Variants in CHRM3 observed in about 807,000 individuals in gnomAD.
The protein encoded by CHRM3 is muscarinic acetylcholine receptor M3.
A neutral mutation model predicts 41.8 loss-of-function variants in CHRM3; 11 were observed. The observed-to-expected ratio is 0.26, with a 90% CI of 0.17 to 0.44. CHRM3 has a LOEUF of 0.44. CHRM3 is among the 20% of genes least tolerant of loss of function. The probability of loss-of-function intolerance (pLI) is 1.00; values close to 1 mark genes in which losing one functional copy is unlikely to be tolerated. For missense variants in CHRM3, 571 were observed against 745.4 expected, an observed-to-expected ratio of 0.77 and a Z score of 2.72; for synonymous variants, 297 against 301.4, an observed-to-expected ratio of 0.99 and a Z score of 0.15.
rs78435687 is a variant in CHRM3, at chr1:239,701,316, A to G, written c.-147+23028A>G. On this transcript the variant is annotated intron_variant, in intron 5 of 6. Transcript: ENST00000676153. ...GGTCTTCAGACAGCCTTCTCTCTCT[A>G]GCATGTACTGATAAACTAATGAGCA... 7.7e-4 allele frequency among the ~76,000 whole-genome samples: 117 copies of G among 152,324 alleles called. No homozygotes were observed. In the East Asian group the frequency reaches 9.8e-3, roughly 13 times the overall value.
intron 3 of CHRM3, among the ~76,000 whole-genome samples, chr1:239,620,071 A>T (rs1202021480): frequency 6.6e-6 from 1 of 152,176 alleles, no homozygotes; most frequent in East Asian, 1.9e-4. Flanking sequence ...AATTACAGGA[A>T]ACCATTTGGT....
At chr1:239,649,335 C>T (rs1177542793) in intron 4 of CHRM3, among the ~76,000 whole-genome samples, 3 of 152,138 alleles carry the variant, frequency 2.0e-5, no homozygotes, top group East Asian at 1.9e-4. Context: ...GTGCCTTGAT[C>T]GTGGACTTCC....
At chr1:239,576,176 C>G (rs1183371562) in intron 3 of CHRM3, among the ~76,000 whole-genome samples, 1 of 152,090 alleles carries the variant, frequency 6.6e-6, no homozygotes, top group African/African-American at 2.4e-5. Flanking sequence ...GAATAACGTC[C>G]ATTGTATATG....
intron 1 of CHRM3, among the ~76,000 whole-genome samples, chr1:239,490,773 G>T (rs899834379): frequency 6.6e-6 from 1 of 151,956 alleles, no homozygotes; most frequent in South Asian, 2.1e-4. Context: ...TTGAGACAGG[G>T]TCTTACTCTG....
chr1:239,689,250 G>A (rs1659473862), intron 5 of CHRM3, among the ~76,000 whole-genome samples: 1 of 151,854 alleles, frequency 6.6e-6, no homozygotes, highest in African/African-American at 2.4e-5. Context: ...TATAGGATGA[G>A]ATTTTTCTCA....
chr1:239,483,889 CCTT>C (rs57125798), intron 1 of CHRM3, among the ~76,000 whole-genome samples: 3,044 of 152,202 alleles, frequency 0.02, 72 homozygotes, highest in African/African-American at 0.051. Flanking sequence ...ATTGTTGTCT[CCTT>C]CTAGCACAGT....
intron 5 of CHRM3, among the ~76,000 whole-genome samples, chr1:239,700,412 T>G (rs1660577357): frequency 6.6e-6 from 1 of 152,186 alleles, no homozygotes; most frequent in Non-Finnish European, 1.5e-5. Context: ...TCTTTGACCA[T>G]TGGAAAATTG....
intron 2 of CHRM3, among the ~76,000 whole-genome samples, chr1:239,535,852 G>T (rs1658145159): frequency 6.6e-6 from 1 of 152,102 alleles, no homozygotes. Flanking sequence ...TGCTAAAGAG[G>T]CCATTGACCT....
intron 5 of CHRM3, among the ~76,000 whole-genome samples, chr1:239,690,332 G>T (rs928752154): frequency 6.6e-6 from 1 of 152,028 alleles, no homozygotes; most frequent in African/African-American, 2.4e-5. Context: ...CAATTCTCCT[G>T]CCTCAGTATC....
At chr1:239,540,241 G>A (rs561530270) in intron 2 of CHRM3, among the ~76,000 whole-genome samples, 1 of 152,250 alleles carries the variant, frequency 6.6e-6, no homozygotes, top group African/African-American at 2.4e-5. Context: ...TTAACAAAAT[G>A]TTAACATAAT....
At position 239,640,227 on chromosome 1, in the gene CHRM3, T is replaced by C. The variant is rs76400125; in HGVS notation, c.-250+7941T>C. Among the ~76,000 whole-genome samples, 923 of 152,268 alleles carry C rather than the reference T, an allele frequency of 6.1e-3. 25 individuals carry two copies. Among genetic ancestry groups the C allele is most frequent in the Admixed American group, 0.046 (700 of 15,282 alleles). On this transcript the variant is annotated intron_variant, in intron 4 of 6. Transcript: ENST00000676153. ...TCAAGGATATTGGTCTAAAATTCTC[T>C]TTTTTGGTAGTGTCTCTGCCCGGCT...
intron 3 of CHRM3, among the ~76,000 whole-genome samples, chr1:239,577,960 G>C (rs1056115164): frequency 2.0e-5 from 3 of 152,156 alleles, no homozygotes; most frequent in Non-Finnish European, 4.4e-5. Flanking sequence ...TTAATGGGAA[G>C]ACATTAATAT....
At chr1:239,856,636 G>C (rs144002679) in intron 6 of CHRM3, among the ~76,000 whole-genome samples, 2 of 152,186 alleles carry the variant, frequency 1.3e-5, no homozygotes, top group African/African-American at 2.4e-5. Flanking sequence ...TAATACAGAT[G>C]GTATGAGATC....
chr1:239,712,311 T>A (rs1174249476), intron 5 of CHRM3, among the ~76,000 whole-genome samples: 1 of 152,172 alleles, frequency 6.6e-6, no homozygotes. Context: ...TGTGAGCTAT[T>A]TTGATTTTGC....
At chr1:239,813,871 C>T (rs1054083828) in intron 5 of CHRM3, among the ~76,000 whole-genome samples, 1 of 137,352 alleles carries the variant, frequency 7.3e-6, no homozygotes, top group Non-Finnish European at 1.5e-5. Context: ...GAGCCGAGAT[C>T]CCGCCACTGC....
chr1:239,589,149 G>A (rs574916245), intron 3 of CHRM3, among the ~76,000 whole-genome samples: 1 of 152,144 alleles, frequency 6.6e-6, no homozygotes, highest in Admixed American at 6.5e-5. Context: ...GGCCAAGCTG[G>A]TCTCCAGCTC....
intron 2 of CHRM3, among the ~76,000 whole-genome samples, chr1:239,519,906 C>T (rs1350344635): frequency 6.6e-6 from 1 of 151,926 alleles, no homozygotes; most frequent in African/African-American, 2.4e-5. Context: ...CGCCACCACA[C>T]CCCGCTAATT....
chr1:239,774,354 C>T (rs890831921), intron 5 of CHRM3, among the ~76,000 whole-genome samples: 2 of 152,016 alleles, frequency 1.3e-5, no homozygotes, highest in Non-Finnish European at 2.9e-5. Context: ...AGCCAATGTG[C>T]TTATTTAGAG....
intron 3 of CHRM3, among the ~76,000 whole-genome samples, chr1:239,566,371 T>A (rs1175640292): frequency 6.6e-6 from 1 of 152,238 alleles, no homozygotes; most frequent in African/African-American, 2.4e-5. Context: ...CACTTTGGAA[T>A]GCATTCCACT....
Sources: gnomAD v4.1 joint callset for allele counts (sites outside exome capture counted in the v4.1 genomes callset) on GRCh38, gnomAD v4.1.1 for gene constraint, MANE v1.5 for transcripts, NCBI Gene and HGNC (gene_info 2026-07-23, HGNC 2026-07-21) for gene names.